The following ANO8 variants were observed in gnomAD, a reference collection of about 807,000 sequenced individuals.
ANO8 encodes anoctamin-8.
Under a neutral mutation model 120.4 loss-of-function variants are expected in ANO8, and 67 were observed. The observed-to-expected ratio is 0.56, with a 90% CI of 0.46 to 0.68. The LOEUF is 0.68. Ranked by LOEUF, ANO8 falls within the 30% of genes least tolerant of loss-of-function variation. ANO8 has a pLI of 0.00. For missense variants in ANO8, 1,526 were observed against 1,737.6 expected, an observed-to-expected ratio of 0.88 and a Z score of 2.16; for synonymous variants, 727 against 759.2, an observed-to-expected ratio of 0.96 and a Z score of 0.70.
chr19:17,324,297 C>T lies in ANO8; in HGVS notation c.3332-413G>A, dbSNP rs564807716. Among the ~76,000 whole-genome samples, 56 of 152,130 alleles carry T rather than the reference C, an allele frequency of 3.7e-4. 1 individual carries two copies. The South Asian group carries it at 8.3e-3, about 23-fold the overall frequency. On this transcript the variant is annotated intron_variant, in intron 17 of 17. Transcript: ENST00000159087. ...TGGGTGGGCAGCCCCAGCCCCACCT[C>T]GAGGAAGGCCTTCCTGAACAGCTGG...
rs777198535 is a variant in ANO8, at chr19:17,329,815, G to A, written c.1346C>T (p.Ser449Leu). ...ACCGATGTAGAAGAGGCTCAGGTACGAGTTGACAAACTGGAACTGCAGGAA... is the reference window on the plus strand; with the variant it reads ...ACCGATGTAGAAGAGGCTCAGGTACAAGTTGACAAACTGGAACTGCAGGAA... Reference protein sequence around the residue: ...IKVVLFQFVNSYLSLFYIGFY... With the variant: ...IKVVLFQFVNLYLSLFYIGFY... The change falls in exon 12 of 18, where the codon TCG becomes TTG. Residue 449 changes from serine to leucine, a missense_variant. By Grantham distance (145) the Ser-to-Leu change is moderately radical. Around this residue, in one of 8 missense-constraint regions of ANO8, gnomAD observed 23 missense variants for 53.3 expected, o/e 0.43. Transcript: ENST00000159087. 2 of 1,613,828 alleles carry A rather than the reference G, an allele frequency of 1.2e-6. No individual in the cohort carries two copies. The highest frequency in any genetic ancestry group is 1.7e-5 in the Admixed American group (1 of 59,996).
In ANO8 at chr19:17,325,179, C is replaced by A; in HGVS notation, c.2869G>T (p.Gly957Cys). ...CGCTTGGGCCGTTCAGGCCCGTGGC[C>A]ACCCGCAGTGCTGCCCTTGGCCTTG... ...SAKAKGSTAG[G>C]HGPERPKRPG... The change falls in exon 17 of 18, where the codon GGC (glycine) becomes TGC (cysteine). Residue 957 changes from glycine (G) to cysteine (C), a missense_variant. This residue lies in a region of ANO8 where 489 missense variants were observed against 548.6 expected (regional missense o/e 0.89). Transcript: ENST00000159087. The A allele has an allele frequency of 1.9e-6, 3 of 1,613,154 alleles. No homozygotes were observed. The highest frequency in any genetic ancestry group is 2.5e-6 in the Non-Finnish European group (3 of 1,179,840).
Position 17,331,408 on chromosome 19 carries a change from G to C in ANO8, c.590C>G (p.Pro197Arg). The change falls in exon 6 of 18, where the codon CCG (proline) becomes CGG (arginine). Residue 197 changes from proline to arginine, a missense_variant. Physicochemically the swap from Pro to Arg is moderately radical, Grantham distance 103 (BLOSUM62 -2). Coordinates refer to ENST00000159087, the MANE Select transcript of ANO8 (RefSeq NM_020959.3). ...GATGATCCCACGTGCTGCCAGCTCC[G>C]GGACTGTGGAGGGAGGAGCACAGGT... ...VRFLEDQPII[P>R]ELAARGIIQQ... The C allele has an allele frequency of 3.1e-6, 5 of 1,613,284 alleles. No homozygotes were observed. The highest frequency in any genetic ancestry group is 4.2e-6 in the Non-Finnish European group (5 of 1,179,904).
Position 17,324,952 on chromosome 19 carries a change from T to C in ANO8, c.3096A>G (p.Ser1032=). 1 of 1,612,580 alleles carries C rather than the reference T, an allele frequency of 6.2e-7. No individual in the cohort carries two copies. The highest frequency in any genetic ancestry group is 8.5e-7 in the Non-Finnish European group (1 of 1,179,754). ...GCTCAGAGTCCCGCCGGGTCTCGGG[T>C]GACTTGAGGAACTTGAAGCTGAGGA... is the stretch of plus-strand genomic sequence containing the variant. The part of the protein sequence containing the change: ...PAFLSFKFLK[S]PETRRDSERS... The change falls in exon 17 of 18, where the codon TCA becomes TCG. Residue 1032 remains serine (S), a synonymous_variant. Transcript: ENST00000159087.
chr19:17,328,268 C>T lies in ANO8; in HGVS notation c.2120G>A (p.Arg707His), dbSNP rs750006508. Residue 707 changes from arginine to histidine, a missense_variant, in exon 13 of 18, where the codon CGT becomes CAT. Arg to His is a conservative substitution (Grantham distance 29, BLOSUM62 0). Coordinates refer to ENST00000159087, the MANE Select transcript of ANO8 (RefSeq NM_020959.3). ...PEPGSNSDST[R>H]RQRRQNRSSW... ...CGACCGGTTCTGCCGTCTCTGCCTA[C>T]GGGTCGAATCGCTGTTGGAGCCGGG... 1.2e-5 allele frequency: 20 copies of T among 1,610,490 alleles called. No individual in the cohort carries two copies. In the Admixed American group the frequency reaches 2.3e-4, roughly 19 times the overall value.
rs1417222336 is a variant in ANO8, at chr19:17,323,562, G to GGGGCTA, written c.3648_3653dup (p.Ser1221_Pro1222dup). On this transcript the variant is annotated inframe_insertion, in exon 18 of 18. Transcript: ENST00000159087. ...AGCACACGGCCTGGGGGCTGGGGCT[G>GGGGCTA]GGGCTAGGGGAGGGCGCTGGGGTCT... is the stretch of plus-strand genomic sequence containing the variant. The GGGGCTA allele has an allele frequency of 1.5e-6, 2 of 1,291,972 alleles. No individual in the cohort carries two copies. Among genetic ancestry groups the GGGGCTA allele is most frequent in the African/African-American group, 1.5e-5 (1 of 66,242 alleles). The allele number at this position is 1,291,972 out of a possible 1,614,324, so 80.0% of individuals were successfully genotyped here.
chr19:17,324,769 G>A lies in ANO8; in HGVS notation c.3279C>T (p.Asp1093=), dbSNP rs202037678. The change falls in exon 17 of 18, where the codon GAC becomes GAT. Residue 1093 remains aspartate (D), a synonymous_variant. Coordinates refer to ENST00000159087, the MANE Select transcript of ANO8 (RefSeq NM_020959.3). ...SSRVQRSGPV[D]EALAEELEAP... is the part of the protein sequence containing the mutation. ...CTTCCAGCTCCTCAGCCAGGGCCTC[G>A]TCCACCGGCCCACTCCTCTGAACCC... is the stretch of plus-strand genomic sequence containing the variant. 47 of 1,551,120 alleles carry A rather than the reference G, an allele frequency of 3.0e-5. No individual in the cohort carries two copies. Among genetic ancestry groups the A allele is most frequent in the Middle Eastern group, 3.5e-4 (2 of 5,738 alleles).
At chr19:17,324,265 A>G (rs1568357161) in intron 17 of ANO8, among the ~76,000 whole-genome samples, 1 of 151,786 alleles carries the variant, frequency 6.6e-6, no homozygotes, top group Non-Finnish European at 1.5e-5. Flanking sequence ...CACATGTGGG[A>G]GCTCCCTGGG....
Position 17,332,980 on chromosome 19 carries a change from T to G in ANO8, c.536A>C (p.Lys179Thr). ...CACGTTGTGGAGTGCTTCTCCCTGC[T>G]TGGCACGCAAATTCTGCAGCCAGAA... ...IRFWLQNLRA[K>T]QGEALHNVRF... The change falls in exon 5 of 18, where the codon AAG becomes ACG. Residue 179 changes from lysine (K) to threonine (T), a missense_variant. Coordinates refer to ENST00000159087, the MANE Select transcript of ANO8 (RefSeq NM_020959.3). The G allele has an allele frequency of 3.7e-6, 6 of 1,614,194 alleles. No homozygotes were observed. Among genetic ancestry groups the G allele is most frequent in the Non-Finnish European group, 5.1e-6 (6 of 1,180,036 alleles).
At chr19:17,334,429 GC>G (rs76389559) in intron 1 of ANO8, 135 bp downstream of exon 1, 29,400 of 788,950 alleles carry the variant, frequency 0.037, 724 homozygotes, top group East Asian at 0.047. Context: ...GGCCGCAGCC[GC>G]AGTGCCGGGA....
intron 5 of ANO8, among the ~76,000 whole-genome samples, chr19:17,332,694 G>A (rs1027519186): frequency 1.3e-5 from 2 of 152,166 alleles, no homozygotes; most frequent in Non-Finnish European, 2.9e-5. Context: ...TAACTGGTTG[G>A]ACATAAGCCC....
rs753615600 is a variant in ANO8 at position 17,324,915 on chromosome 19, G to A, written c.3133C>T (p.Pro1045Ser). ...TTGCCAGCATGGAAGGCTTTGGGCGGTGAGTGGCTGCGCTCAGAGTCCCGC... is the reference window on the plus strand; with the variant it reads ...TTGCCAGCATGGAAGGCTTTGGGCGATGAGTGGCTGCGCTCAGAGTCCCGC... ...TRRDSERSHS[P>S]PKAFHAGKLF... is the part of the protein sequence containing the mutation. The change falls in exon 17 of 18, where the codon CCG (proline) becomes TCG (serine). Residue 1045 changes from proline (P) to serine (S), a missense_variant. This residue lies in a region of ANO8 where 489 missense variants were observed against 548.6 expected (regional missense o/e 0.89). Coordinates refer to ENST00000159087, the MANE Select transcript of ANO8 (RefSeq NM_020959.3). 2 of 1,613,428 alleles carry A rather than the reference G, an allele frequency of 1.2e-6. No individual in the cohort carries two copies. The highest frequency in any genetic ancestry group is 1.7e-6 in the Non-Finnish European group (2 of 1,179,906).
intron 5 of ANO8, among the ~76,000 whole-genome samples, chr19:17,332,674 T>C (rs1248618251): frequency 1.3e-5 from 2 of 152,194 alleles, no homozygotes; most frequent in Non-Finnish European, 2.9e-5. Flanking sequence ...CCCAACCCTT[T>C]GCCAACCCCT....
chr19:17,330,165 G>C lies in ANO8; in HGVS notation c.1233C>G (p.Ala411=). The change falls in exon 10 of 18, where the codon GCC becomes GCG. Residue 411 remains alanine (A), a synonymous_variant. Coordinates refer to ENST00000159087, the MANE Select transcript of ANO8 (RefSeq NM_020959.3). ...AGATGGCTAGCTTCTTGTAGCCCTC[G>C]GCACTCACACTGACAAGCAGGGCCA... ...VMLALLVSVS[A]EGYKKLAIWL... The C allele has an allele frequency of 6.2e-7, 1 of 1,614,012 alleles. No individual in the cohort carries two copies.
chr19:17,323,655 G>C lies in ANO8; in HGVS notation c.3561C>G (p.Pro1187=). 1 of 1,218,036 alleles carries C rather than the reference G, an allele frequency of 8.2e-7. No individual in the cohort carries two copies. The highest frequency in any genetic ancestry group is 1.0e-6 in the Non-Finnish European group (1 of 977,486). The allele number at this position is 1,218,036 out of a possible 1,614,324, so 75.5% of individuals were successfully genotyped here. Residue 1187 remains proline (P), a synonymous_variant, in exon 18 of 18, where the codon CCC becomes CCG. Transcript: ENST00000159087. The part of the protein sequence containing the change: ...AMAGPPPAPQ[P]LPGDASFYSL... Reference sequence around the variant, plus strand: ...TGTAAAAGCTGGCGTCTCCCGGCAGGGGCTGGGGGGCGGGTGGGGGCCCGG... The same window carrying C: ...TGTAAAAGCTGGCGTCTCCCGGCAGCGGCTGGGGGGCGGGTGGGGGCCCGG...
intron 12 of ANO8, chr19:17,329,395 G>T (rs1332039086): frequency 7.9e-5 from 29 of 365,076 alleles, no homozygotes; most frequent in Non-Finnish European, 1.5e-4. Context: ...CCACGGGCTC[G>T]CCACCTGCCC....
intron 1 of ANO8, 101 bp downstream of exon 1, chr19:17,334,464 C>A: frequency 7.2e-6 from 8 of 1,109,798 alleles, no homozygotes; most frequent in Non-Finnish European, 1.0e-5. Context: ...CGTCCAGACA[C>A]CACGCCAGGT....
Position 17,323,437 on chromosome 19 carries a change from C to G in ANO8, c.*80G>C, listed in dbSNP as rs1462025941. On this transcript the variant is annotated 3_prime_UTR_variant, in exon 18 of 18. Transcript: ENST00000159087. ...TACTGGGGGCCCTCGGGGGCTGAAG[C>G]GCATTTTGCATTTTGGAGACCGGCC... is the stretch of plus-strand genomic sequence containing the variant. The G allele has an allele frequency of 3.9e-6, 5 of 1,272,940 alleles. No homozygotes were observed. The highest frequency in any genetic ancestry group is 1.5e-5 in the African/African-American group (1 of 65,312). The allele number at this position is 1,272,940 out of a possible 1,614,324, so 78.9% of individuals were successfully genotyped here.
Position 17,325,290 on chromosome 19 carries a change from G to A in ANO8, c.2758C>T (p.Arg920Trp), listed in dbSNP as rs1293469887. ...TCTCGGCCACCAGAATCATGCTCCC[G>A]CCGGGCATGGTGCTCTGCATGGCGC... ...RQRHAEHHAR[R>W]EHDSGGREEA... Residue 920 changes from arginine (R) to tryptophan (W), a missense_variant, in exon 17 of 18, where the codon CGG becomes TGG. Arg to Trp is a moderately radical substitution (Grantham distance 101, BLOSUM62 -3). Coordinates refer to ENST00000159087, the MANE Select transcript of ANO8 (RefSeq NM_020959.3). 26 of 1,606,714 alleles carry A rather than the reference G, an allele frequency of 1.6e-5. No homozygotes were observed. Among genetic ancestry groups the A allele is most frequent in the South Asian group, 3.3e-5 (3 of 91,080 alleles).
Sources: gnomAD v4.1 joint callset for allele counts (sites outside exome capture counted in the v4.1 genomes callset) on GRCh38, gnomAD v4.1.1 for gene constraint, gnomAD v4.1.1 regional missense constraint, MANE v1.5 for transcripts, NCBI Gene and HGNC (gene_info 2026-07-23, HGNC 2026-07-21) for gene names.